PHEX: variants seen among roughly 807,000 people sequenced by gnomAD.
PHEX encodes the protein phosphate regulating endopeptidase X-linked, also known as phosphate-regulating neutral endopeptidase PHEX.
Under a neutral mutation model 68.0 loss-of-function variants are expected in PHEX, and 16 were observed. The ratio of observed to expected loss-of-function variants is 0.24; its 90% CI spans 0.16 to 0.36. The LOEUF is 0.36. Ranked by LOEUF, PHEX falls within the 10% of genes least tolerant of loss-of-function variation. PHEX has a pLI of 1.00. For synonymous variants in PHEX, 208 were observed against 205.1 expected (o/e 1.01, Z -0.12); for missense variants, 480 against 575.5 (o/e 0.83, Z 1.70).
intron 12 of PHEX, among the ~76,000 whole-genome samples, chrX:22,139,496 G>A (rs979708705): frequency 2.7e-5 from 3 of 111,277 alleles, no homozygotes; most frequent in African/African-American, 9.8e-5. Context: ...ATTTTTTCGA[G>A]TTAAAGTCTC....
intron 11 of PHEX, among the ~76,000 whole-genome samples, chrX:22,119,845 C>A: frequency 9.0e-6 from 1 of 110,854 alleles, no homozygotes; most frequent in Non-Finnish European, 1.9e-5. Context: ...GATCTCCCTG[C>A]CTCAGCCTCC....
chrX:22,068,642 A>G (rs989039978), intron 3 of PHEX, among the ~76,000 whole-genome samples: 5 of 112,098 alleles, frequency 4.5e-5, no homozygotes, highest in African/African-American at 1.6e-4. Flanking sequence ...GAGTTATGAT[A>G]TATGTTTCTT....
At chrX:22,070,726 A>T (rs193232185) in intron 3 of PHEX, among the ~76,000 whole-genome samples, 1 of 111,446 alleles carries the variant, frequency 9.0e-6, no homozygotes, top group East Asian at 2.8e-4. Context: ...TGGCTCCAGG[A>T]TTCACTGGTC....
intron 11 of PHEX, 111 bp from the exon 12 acceptor site, chrX:22,133,412 A>T: frequency 1.8e-6 from 1 of 562,543 alleles, no homozygotes. Context: ...AGAACCCCTT[A>T]CTTACCATGT....
chrX:22,225,225 T>TAAGA (rs750281223), intron 18 of PHEX, among the ~76,000 whole-genome samples: 32 of 109,686 alleles, frequency 2.9e-4, no homozygotes, highest in Admixed American at 4.9e-4. Flanking sequence ...TTTCCTCTTG[T>TAAGA]AAGAACTTTT....
At chrX:22,150,140 A>G in intron 12 of PHEX, among the ~76,000 whole-genome samples, 1 of 105,657 alleles carries the variant, frequency 9.5e-6, no homozygotes, top group African/African-American at 4.0e-5. Flanking sequence ...ATATTTAAAA[A>G]AATAAAAAAA....
chrX:22,041,968 T>C (rs1368008351), intron 2 of PHEX, among the ~76,000 whole-genome samples: 1 of 111,353 alleles, frequency 9.0e-6, no homozygotes, highest in South Asian at 3.8e-4. Flanking sequence ...AAAAAAAATA[T>C]TGATTTTGCT....
chrX:22,055,585 G>A (rs995873522), intron 3 of PHEX, among the ~76,000 whole-genome samples: 4 of 109,449 alleles, frequency 3.7e-5, no homozygotes, highest in East Asian at 2.9e-4. Flanking sequence ...TTTTTGAGGC[G>A]GAGTCTCGCT....
intron 15 of PHEX, among the ~76,000 whole-genome samples, chrX:22,204,566 G>T (rs1934653628): frequency 9.0e-6 from 1 of 111,724 alleles, no homozygotes; most frequent in African/African-American, 3.3e-5. Flanking sequence ...TTGTTCGAAG[G>T]TTGCCCATGT....
At chrX:22,052,934 T>C (rs1927906609) in intron 3 of PHEX, among the ~76,000 whole-genome samples, 2 of 110,402 alleles carry the variant, frequency 1.8e-5, no homozygotes, top group African/African-American at 6.6e-5. Flanking sequence ...ACTTGTACCC[T>C]AAAAGCTATT....
intron 2 of PHEX, among the ~76,000 whole-genome samples, chrX:22,041,765 C>T (rs758436812): frequency 9.1e-6 from 1 of 110,413 alleles, no homozygotes; most frequent in Non-Finnish European, 1.9e-5. Context: ...AAATTTTCAA[C>T]TTGAGTTTAG....
intron 19 of PHEX, 37 bp from the exon 20 acceptor site, chrX:22,227,470 C>A (rs758389919): frequency 1.0e-6 from 1 of 980,528 alleles, no homozygotes; most frequent in Non-Finnish European, 1.5e-6. Flanking sequence ...AAAAACCCAC[C>A]GTTGCAGAGA....
Position 22,090,455 on chromosome X carries a change from C to G in PHEX, c.690C>G (p.Ala230=), listed in dbSNP as rs149487757. ...LKLDQATLSL[A]VREDYLDNST... ...TGGACCAAGCAACACTCTCCCTGGC[C>G]GTGAGGGAAGACTACCTTGATAACA... The change falls in exon 6 of 22, where the codon GCC becomes GCG. Residue 230 remains alanine (A), a synonymous_variant. Coordinates refer to ENST00000379374, the MANE Select transcript of PHEX (RefSeq NM_000444.6). 1 of 1,208,601 alleles carries G rather than the reference C, an allele frequency of 8.3e-7. No homozygotes were observed. Among genetic ancestry groups the G allele is most frequent in the East Asian group, 3.0e-5 (1 of 33,810 alleles).
intron 18 of PHEX, among the ~76,000 whole-genome samples, chrX:22,222,086 G>T (rs1256996275): frequency 8.9e-6 from 1 of 112,002 alleles, no homozygotes; most frequent in African/African-American, 3.3e-5. Flanking sequence ...ACACTGACTT[G>T]GTTCTCCTGG....
intron 11 of PHEX, among the ~76,000 whole-genome samples, chrX:22,124,980 A>C (rs2147076666): frequency 8.9e-6 from 1 of 112,095 alleles, no homozygotes; most frequent in South Asian, 3.7e-4. Flanking sequence ...TTCTGGTTTA[A>C]CCACATGTCC....
intron 20 of PHEX, among the ~76,000 whole-genome samples, chrX:22,236,738 G>A (rs1292316513): frequency 1.8e-5 from 2 of 112,073 alleles, no homozygotes; most frequent in Non-Finnish European, 3.8e-5. Context: ...TTTACCATCT[G>A]TCTCTTTTCA....
intron 5 of PHEX, among the ~76,000 whole-genome samples, chrX:22,080,125 T>G (rs1413197312): frequency 8.9e-6 from 1 of 111,888 alleles, no homozygotes; most frequent in Non-Finnish European, 1.9e-5. Context: ...AAGAGGAGCT[T>G]ACAGAAAACA....
intron 9 of PHEX, among the ~76,000 whole-genome samples, chrX:22,110,740 G>A (rs1459965726): frequency 9.0e-6 from 1 of 111,431 alleles, no homozygotes; most frequent in Non-Finnish European, 1.9e-5. Flanking sequence ...CTCGTAGGTG[G>A]GAATTGAACA....
chrX:22,164,733 T>C (rs892102953), intron 12 of PHEX, among the ~76,000 whole-genome samples: 10 of 112,649 alleles, frequency 8.9e-5, no homozygotes, highest in Non-Finnish European at 1.5e-4. Flanking sequence ...GCTATAGTTA[T>C]GCATATGACT....
Sources: gnomAD v4.1 joint callset for allele counts (sites outside exome capture counted in the v4.1 genomes callset) on GRCh38, gnomAD v4.1.1 for gene constraint, MANE v1.5 for transcripts, NCBI Gene and HGNC (gene_info 2026-07-23, HGNC 2026-07-21) for gene names.